The following RPS6KA2 variants were observed in gnomAD, a reference collection of about 807,000 sequenced individuals.
The protein encoded by RPS6KA2 is ribosomal protein S6 kinase A2.
A neutral mutation model predicts 91.8 loss-of-function variants in RPS6KA2; 42 were observed. The observed-to-expected ratio is 0.46, with a 90% CI of 0.36 to 0.59. RPS6KA2 has a LOEUF of 0.59. Among genes scored for constraint, RPS6KA2 ranks in the 20% least tolerant of loss-of-function variants. The probability of loss-of-function intolerance (pLI) is 0.00; values close to 1 mark genes in which losing one functional copy is unlikely to be tolerated. For synonymous variants in RPS6KA2, 414 were observed against 393.6 expected (o/e 1.05, Z -0.61); for missense variants, 798 against 978.5 (o/e 0.82, Z 2.46).
At chr6:166,677,624 G>A (rs1788658003) in intron 2 of RPS6KA2, among the ~76,000 whole-genome samples, 1 of 152,170 alleles carries the variant, frequency 6.6e-6, no homozygotes, top group African/African-American at 2.4e-5. Flanking sequence ...TGGGATTACA[G>A]GCATGTATTT....
intron 2 of RPS6KA2, among the ~76,000 whole-genome samples, chr6:166,791,749 G>A (rs1490247405): frequency 2.6e-5 from 4 of 151,406 alleles, no homozygotes; most frequent in South Asian, 2.1e-4. Flanking sequence ...ATTGAACAAC[G>A]TGCTCTTGAA....
At chr6:166,512,540 A>G (rs575551009) in intron 3 of RPS6KA2, among the ~76,000 whole-genome samples, 1 of 152,292 alleles carries the variant, frequency 6.6e-6, no homozygotes, top group Non-Finnish European at 1.5e-5. Flanking sequence ...TCCTGGTTTT[A>G]ATACTCACAC....
intron 10 of RPS6KA2, among the ~76,000 whole-genome samples, chr6:166,487,647 A>C (rs1395795513): frequency 6.6e-6 from 1 of 152,266 alleles, no homozygotes; most frequent in African/African-American, 2.4e-5. Context: ...AGAGTGGTTT[A>C]CGTGATAAAA....
chr6:166,582,281 T>C (rs963016444), intron 1 of RPS6KA2, among the ~76,000 whole-genome samples: 3 of 152,196 alleles, frequency 2.0e-5, no homozygotes, highest in East Asian at 1.9e-4. Context: ...GAGCCGTCCA[T>C]GGAGATCTGA....
intron 12 of RPS6KA2, among the ~76,000 whole-genome samples, chr6:166,456,474 G>C (rs1780110354): frequency 6.6e-6 from 1 of 152,212 alleles, no homozygotes; most frequent in Non-Finnish European, 1.5e-5. Context: ...GAGTCTGCCT[G>C]ATCGGTTTAA....
intron 2 of RPS6KA2, among the ~76,000 whole-genome samples, chr6:166,778,943 C>T (rs1208784853): frequency 6.6e-6 from 1 of 152,216 alleles, no homozygotes; most frequent in African/African-American, 2.4e-5. Context: ...CTCTGATACA[C>T]CCAGCATTCA....
chr6:166,577,475 A>G (rs773801601), intron 1 of RPS6KA2, among the ~76,000 whole-genome samples: 2 of 152,234 alleles, frequency 1.3e-5, no homozygotes, highest in African/African-American at 4.8e-5. Context: ...TTGCATCAGC[A>G]TGACCCGGAA....
chr6:166,609,926 T>C (rs910505674), intron 1 of RPS6KA2, among the ~76,000 whole-genome samples: 2 of 152,254 alleles, frequency 1.3e-5, no homozygotes, highest in Non-Finnish European at 2.9e-5. Flanking sequence ...CCTACACTTA[T>C]TTGAAGATTT....
chr6:166,607,685 A>C (rs1409376600), intron 1 of RPS6KA2, among the ~76,000 whole-genome samples: 3 of 152,244 alleles, frequency 2.0e-5, no homozygotes, highest in African/African-American at 4.8e-5. Context: ...TAACAGTTGC[A>C]CAACCTTGTG....
intron 2 of RPS6KA2, among the ~76,000 whole-genome samples, chr6:166,693,764 A>G (rs139158495): frequency 2.6e-5 from 4 of 152,344 alleles, no homozygotes; most frequent in Admixed American, 1.3e-4. Context: ...TTCCCAAACA[A>G]CAGCTTAATT....
At chr6:166,756,742 G>A (rs1230655722) in intron 2 of RPS6KA2, among the ~76,000 whole-genome samples, 1 of 152,034 alleles carries the variant, frequency 6.6e-6, no homozygotes, top group Non-Finnish European at 1.5e-5. Context: ...GCTACTTAGG[G>A]GGCTGAGGCA....
intron 2 of RPS6KA2, chr6:166,702,411 T>C: frequency 1.2e-6 from 2 of 1,602,856 alleles, no homozygotes; most frequent in Non-Finnish European, 1.7e-6. Flanking sequence ...TGAAATCCAT[T>C]CAGTTTGTCT....
intron 3 of RPS6KA2, among the ~76,000 whole-genome samples, chr6:166,525,074 A>G (rs1327306614): frequency 6.6e-6 from 1 of 152,216 alleles, no homozygotes; most frequent in Non-Finnish European, 1.5e-5. Flanking sequence ...ACTGCTCCAT[A>G]CAATACAGCC....
chr6:166,451,242 G>A lies in RPS6KA2; in HGVS notation c.1076-9C>T, dbSNP rs370751314. ...GGGGACGCCAGGAGAGTCTGTAGGT[G>A]ACAGGGGCAGAGTTCAGATGCCACG... is the stretch of plus-strand genomic sequence containing the variant. On this transcript the variant is annotated splice_polypyrimidine_tract_variant and intron_variant, in intron 12 of 20. Coordinates refer to ENST00000265678, the MANE Select transcript of RPS6KA2 (RefSeq NM_021135.6). 1.9e-6 allele frequency: 3 copies of A among 1,613,542 alleles called. No individual in the cohort carries two copies. The highest frequency in any genetic ancestry group is 1.7e-4 in the Middle Eastern group (1 of 6,056).
intron 8 of RPS6KA2, among the ~76,000 whole-genome samples, chr6:166,496,371 AATAAAAAG>A (rs1781786434): frequency 7.1e-6 from 1 of 140,238 alleles, no homozygotes; most frequent in South Asian, 2.3e-4. Flanking sequence ...AAAATTAAAA[AATAAAAAG>A]AAAAAAAAGA....
rs1790574641 is a variant in RPS6KA2, at chr6:166,732,997, C to T, written c.123+125203G>A. Among the ~76,000 whole-genome samples, 1 of 152,196 alleles carries T rather than the reference C, an allele frequency of 6.6e-6. No individual in the cohort carries two copies. The highest frequency in any genetic ancestry group is 1.5e-5 in the Non-Finnish European group (1 of 68,036). On this transcript the variant is annotated intron_variant, in intron 2 of 21. Coordinates refer to the RPS6KA2 transcript ENST00000503859. The surrounding 1 kb of genome is among the most constrained non-coding windows in gnomAD (Gnocchi z 4.0). ...GCAGGGTGGGAGGCAGGGGTGCACA[C>T]TTATGCATTTGCCCAGTTTTGCATC... is the stretch of plus-strand genomic sequence containing the variant.
At chr6:166,470,666 G>A (rs1272099369) in intron 10 of RPS6KA2, among the ~76,000 whole-genome samples, 2 of 152,176 alleles carry the variant, frequency 1.3e-5, no homozygotes, top group African/African-American at 2.4e-5. Flanking sequence ...TGTCCCCCCA[G>A]AACGAGCCCA....
intron 2 of RPS6KA2, among the ~76,000 whole-genome samples, chr6:166,651,763 C>G (rs1410586420): frequency 6.6e-6 from 1 of 152,220 alleles, no homozygotes; most frequent in Non-Finnish European, 1.5e-5. Context: ...GGCACGTATA[C>G]AACACCATCA....
At chr6:166,753,765 C>T (rs1777915251) in intron 2 of RPS6KA2, among the ~76,000 whole-genome samples, 1 of 152,218 alleles carries the variant, frequency 6.6e-6, no homozygotes, top group South Asian at 2.1e-4. Context: ...TCATTAGCAA[C>T]CATGAAACTG....
Sources: gnomAD v4.1 joint callset for allele counts (sites outside exome capture counted in the v4.1 genomes callset) on GRCh38, gnomAD v4.1.1 for gene constraint, Gnocchi (gnomAD v3.1) non-coding constraint, MANE v1.5 for transcripts, NCBI Gene and HGNC (gene_info 2026-07-23, HGNC 2026-07-21) for gene names.